CTNNA3: variants seen among roughly 807,000 people sequenced by gnomAD.
The protein encoded by CTNNA3 is catenin alpha 3, also known as catenin alpha-3.
Under a neutral mutation model 95.7 loss-of-function variants are expected in CTNNA3, and 76 were observed. The observed-to-expected ratio is 0.79, with a 90% CI of 0.66 to 0.96. The LOEUF is 0.96. Among genes scored for constraint, CTNNA3 ranks in the 40% least tolerant of loss-of-function variants. The pLI, the probability that CTNNA3 is intolerant of heterozygous loss-of-function variation, is 0.00. For synonymous variants in CTNNA3, 431 were observed against 374.4 expected, an observed-to-expected ratio of 1.15 and a Z score of -1.74; for missense variants, 1,191 against 1,089.8, an observed-to-expected ratio of 1.09 and a Z score of -1.31.
At chr10:67,062,998 T>C (rs568611840) in intron 7 of CTNNA3, among the ~76,000 whole-genome samples, 2 of 152,308 alleles carry the variant, frequency 1.3e-5, no homozygotes, top group South Asian at 4.1e-4. Context: ...CGTTGTCTTT[T>C]AGGCTTTCCA....
At chr10:66,199,689 C>T (rs1401948833) in intron 13 of CTNNA3, among the ~76,000 whole-genome samples, 10 of 142,692 alleles carry the variant, frequency 7.0e-5, no homozygotes, top group African/African-American at 2.7e-4. Context: ...GCAACCTTCG[C>T]CTCCCGGGTT....
At chr10:66,565,107 C>T (rs751479112) in intron 10 of CTNNA3, among the ~76,000 whole-genome samples, 9 of 152,110 alleles carry the variant, frequency 5.9e-5, no homozygotes, top group Non-Finnish European at 1.0e-4. Flanking sequence ...TTCCTTATAC[C>T]AGGAGCTTCT....
At chr10:66,463,912 C>A (rs1475671009) in intron 11 of CTNNA3, among the ~76,000 whole-genome samples, 1 of 147,828 alleles carries the variant, frequency 6.8e-6, no homozygotes, top group African/African-American at 2.5e-5. Context: ...TACAAATAAG[C>A]GTAAGAAAGA....
chr10:67,579,417 G>A (rs867310386), intron 3 of CTNNA3, among the ~76,000 whole-genome samples: 16 of 151,956 alleles, frequency 1.1e-4, no homozygotes, highest in Admixed American at 2.6e-4. Flanking sequence ...TATTCCATGG[G>A]GTATATGTGC....
At chr10:66,635,990 CTGTGTGTGTGTGTGTGTGTGTG>C (rs10527642) in intron 9 of CTNNA3, among the ~76,000 whole-genome samples, 1 of 145,852 alleles carries the variant, frequency 6.9e-6, no homozygotes, top group African/African-American at 2.5e-5. Flanking sequence ...TGGAAGAACA[CTGTGTGTGTGTGTGTGTGTGTG>C]TGTGTGTGTG....
At chr10:66,828,284 G>A (rs944576555) in intron 7 of CTNNA3, among the ~76,000 whole-genome samples, 3 of 152,304 alleles carry the variant, frequency 2.0e-5, no homozygotes, top group Admixed American at 2.0e-4. Flanking sequence ...ACTCAGCATA[G>A]GGTTTCAGAA....
chr10:67,493,327 C>T (rs1020609936), intron 5 of CTNNA3, among the ~76,000 whole-genome samples: 3 of 151,978 alleles, frequency 2.0e-5, no homozygotes, highest in African/African-American at 7.2e-5. Flanking sequence ...CTTGGGAGGC[C>T]GAGGCGGGTG....
intron 5 of CTNNA3, among the ~76,000 whole-genome samples, chr10:67,232,784 C>T (rs1865278250): frequency 6.6e-6 from 1 of 151,702 alleles, no homozygotes; most frequent in South Asian, 2.1e-4. Context: ...TGCAGAGACA[C>T]ACATAGGCTC....
intron 12 of CTNNA3, among the ~76,000 whole-genome samples, chr10:66,339,062 C>T (rs770944741): frequency 6.6e-6 from 1 of 151,716 alleles, no homozygotes; most frequent in African/African-American, 2.4e-5. Context: ...TCTGTAAAGG[C>T]GATAATATTA....
chr10:66,306,281 T>C (rs1418713520), intron 12 of CTNNA3, among the ~76,000 whole-genome samples: 1 of 152,204 alleles, frequency 6.6e-6, no homozygotes, highest in African/African-American at 2.4e-5. Flanking sequence ...TCCCTGAGTC[T>C]CAGCCTCCTC....
Position 66,222,556 on chromosome 10 carries a change from AAG to A in CTNNA3, c.1884+57912_1884+57913del, listed in dbSNP as rs1288096796. On this transcript the variant is annotated intron_variant, in intron 13 of 17. Coordinates refer to ENST00000433211, the MANE Select transcript of CTNNA3 (RefSeq NM_013266.4). ...AGGGAGAGAAAGAAGAAAATAAAGA[AAG>A]AGAGAAAGAAGGAAAGAAAGAAGGA... is the stretch of plus-strand genomic sequence containing the variant. Among the ~76,000 whole-genome samples, 10 of 151,710 alleles carry A rather than the reference AAG, an allele frequency of 6.6e-5. No homozygotes were observed. The South Asian group carries it at 8.3e-4, about 13-fold the overall frequency.
At chr10:66,298,526 G>C (rs1195126385) in intron 12 of CTNNA3, among the ~76,000 whole-genome samples, 1 of 152,014 alleles carries the variant, frequency 6.6e-6, no homozygotes, top group Non-Finnish European at 1.5e-5. Flanking sequence ...GAGTTACAGT[G>C]GTTATATCTT....
chr10:67,525,888 G>A (rs546847218), intron 4 of CTNNA3, among the ~76,000 whole-genome samples: 1 of 152,278 alleles, frequency 6.6e-6, no homozygotes, highest in African/African-American at 2.4e-5. Context: ...TATACGAGGT[G>A]CTGGGTGCTA....
intron 5 of CTNNA3, among the ~76,000 whole-genome samples, chr10:67,500,304 A>G (rs1411725123): frequency 6.6e-6 from 1 of 152,188 alleles, no homozygotes; most frequent in Non-Finnish European, 1.5e-5. Context: ...ACTGTTTGTT[A>G]AGATTTCTGT....
intron 5 of CTNNA3, among the ~76,000 whole-genome samples, chr10:67,338,045 G>T (rs1360124524): frequency 2.6e-5 from 4 of 152,126 alleles, no homozygotes; most frequent in African/African-American, 9.7e-5. Flanking sequence ...GAAAATACTT[G>T]AAATGTATTA....
intron 5 of CTNNA3, among the ~76,000 whole-genome samples, chr10:67,484,520 A>G (rs1389931495): frequency 6.6e-6 from 1 of 152,222 alleles, no homozygotes; most frequent in Non-Finnish European, 1.5e-5. Context: ...CAGACAATCT[A>G]CAGAATGGGA....
At chr10:66,537,541 T>C (rs1841702597) in intron 10 of CTNNA3, among the ~76,000 whole-genome samples, 1 of 150,766 alleles carries the variant, frequency 6.6e-6, no homozygotes, top group African/African-American at 2.4e-5. Flanking sequence ...AAGGGAATTA[T>C]TTATTTATTA....
rs556297954 is a variant in CTNNA3, at chr10:67,084,769, T to C, written c.1047+95548A>G. ...TTAAGCTTTTTCATAGAGAAGGCTG[T>C]ATCGCATAAAAAATCTGCCTAGACT... On this transcript the variant is annotated intron_variant, in intron 7 of 17. Coordinates refer to ENST00000433211, the MANE Select transcript of CTNNA3 (RefSeq NM_013266.4). Among the ~76,000 whole-genome samples the C allele has an allele frequency of 7.2e-5, 11 of 152,122 alleles. No individual in the cohort carries two copies. The South Asian group carries it at 2.3e-3, about 32-fold the overall frequency.
upstream of CTNNA3, among the ~76,000 whole-genome samples, chr10:67,700,072 G>C (rs1841023601): frequency 2.0e-5 from 3 of 152,366 alleles, no homozygotes; most frequent in South Asian, 6.2e-4. Context: ...GGCTGGGGGA[G>C]GGGCGCCCGC....
Sources: gnomAD v4.1 joint callset for allele counts (sites outside exome capture counted in the v4.1 genomes callset) on GRCh38, gnomAD v4.1.1 for gene constraint, MANE v1.5 for transcripts, NCBI Gene and HGNC (gene_info 2026-07-23, HGNC 2026-07-21) for gene names.